The following DNAH10 variants were observed in gnomAD, a reference collection of about 807,000 sequenced individuals.
DNAH10 encodes the protein axonemal beta dynein heavy chain 10.
Under a neutral mutation model 506.6 loss-of-function variants are expected in DNAH10, and 348 were observed. That is an observed-to-expected ratio of 0.69 (90% CI 0.63 to 0.75). The LOEUF is 0.75. Among genes scored for constraint, DNAH10 ranks in the 30% least tolerant of loss-of-function variants. DNAH10 has a pLI of 0.00. For missense variants in DNAH10, 5,179 were observed against 5,787.1 expected (o/e 0.89, Z 3.41); for synonymous variants, 2,059 against 2,198.6 (o/e 0.94, Z 1.78).
chr12:123,934,731 A>T lies in DNAH10; in HGVS notation c.13588A>T (p.Ile4530Phe), dbSNP rs1955406222. The change falls in exon 78 of 79, where the codon ATC becomes TTC. Residue 4530 changes from isoleucine (I) to phenylalanine (F), a missense_variant. Transcript: ENST00000673944. ...GGTTGTGGACCTGCCGATCCTGAAGATCATCCCCATTGAAGCCCATCGCCT... is the reference window on the plus strand; with the variant it reads ...GGTTGTGGACCTGCCGATCCTGAAGTTCATCCCCATTGAAGCCCATCGCCT... ...VLVVDLPILKIIPIEAHRLKL... is the reference protein window; with the variant it reads ...VLVVDLPILKFIPIEAHRLKL... The T allele has an allele frequency of 6.2e-7, 1 of 1,613,806 alleles. No homozygotes were observed. The highest frequency in any genetic ancestry group is 1.3e-5 in the African/African-American group (1 of 74,916).
chr12:123,897,160 G>A (rs1232020279), intron 54 of DNAH10, among the ~76,000 whole-genome samples: 4 of 152,164 alleles, frequency 2.6e-5, no homozygotes, highest in Admixed American at 6.5e-5. Flanking sequence ...AGGCTCATCC[G>A]TGTTTCAGCA....
intron 16 of DNAH10, among the ~76,000 whole-genome samples, chr12:123,802,553 G>A (rs12099941): frequency 0.025 from 3,798 of 152,200 alleles, 161 homozygotes; most frequent in African/African-American, 0.086. Flanking sequence ...TGATCCATCC[G>A]CCTTGGCCTT....
At chr12:123,794,960 C>G (rs948814197) in intron 12 of DNAH10, among the ~76,000 whole-genome samples, 4 of 151,708 alleles carry the variant, frequency 2.6e-5, no homozygotes, top group Non-Finnish European at 5.9e-5. Context: ...CCAGCCTTTG[C>G]CAACATGGTG....
intron 43 of DNAH10, 31 bp downstream of exon 43, chr12:123,868,150 T>C (rs1951886969): frequency 6.3e-7 from 1 of 1,575,754 alleles, no homozygotes; most frequent in African/African-American, 1.4e-5. Context: ...GTTTCCCTGC[T>C]CTGAGTGCCT....
At chr12:123,829,381 G>C (rs994388716) in intron 25 of DNAH10, among the ~76,000 whole-genome samples, 1 of 152,212 alleles carries the variant, frequency 6.6e-6, no homozygotes, top group African/African-American at 2.4e-5. Context: ...TGAAAGGTCA[G>C]TGGTCTCAAC....
Position 123,846,243 on chromosome 12 carries a change from A to C in DNAH10, c.5814+89A>C, listed in dbSNP as rs1950946961. 4.2e-6 allele frequency: 6 copies of C among 1,416,738 alleles called. No homozygotes were observed. The Admixed American group carries it at 1.2e-4, about 28-fold the overall frequency. 87.8% of individuals were successfully genotyped at this position (1,416,738 alleles called of 1,614,324 possible). On this transcript the variant is annotated intron_variant, in intron 32 of 78. Coordinates refer to ENST00000673944, the MANE Select transcript of DNAH10 (RefSeq NM_001372106.1). This position sits in a 1 kb window ranked among gnomAD's most constrained non-coding sequence, Gnocchi z 4.5. ...TGAGGTGTGATGACTGCAGTGATTGAAATAGCAGGGGAGATCATTGCTTTG... is the reference window on the plus strand; with the variant it reads ...TGAGGTGTGATGACTGCAGTGATTGCAATAGCAGGGGAGATCATTGCTTTG...
chr12:123,880,320 T>C (rs1952448838), intron 50 of DNAH10, among the ~76,000 whole-genome samples: 3 of 152,112 alleles, frequency 2.0e-5, no homozygotes, highest in South Asian at 4.1e-4. Flanking sequence ...TAAAATCCAG[T>C]GATCCTTTAA....
rs571366576 is a variant in DNAH10 at position 123,884,382 on chromosome 12, T to C, written c.8823+2569T>C. Among the ~76,000 whole-genome samples the C allele has an allele frequency of 2.0e-5, 3 of 152,296 alleles. No homozygotes were observed. In the East Asian group the frequency reaches 5.8e-4, roughly 29 times the overall value. On this transcript the variant is annotated intron_variant, in intron 51 of 78. Transcript: ENST00000673944. ...GAGAGTCTTAGGCAGTTCAGGCTGT[T>C]ATAACAAAGTGCGATAGACTGGCTG...
chr12:123,833,017 T>G, intron 26 of DNAH10, 97 bp from the exon 27 acceptor site: 19 of 861,798 alleles, frequency 2.2e-5, no homozygotes, highest in Non-Finnish European at 3.5e-5. Context: ...TCCGATTGCA[T>G]TGTTGGCCAA....
At chr12:123,906,284 T>C (rs1331251055) in intron 57 of DNAH10, among the ~76,000 whole-genome samples, 56 of 140,854 alleles carry the variant, frequency 4.0e-4, no homozygotes, top group East Asian at 1.3e-3. Flanking sequence ...TTCTGTCACC[T>C]AGGCTGGAGT....
chr12:123,817,209 C>CTT (rs1284903253), intron 21 of DNAH10, among the ~76,000 whole-genome samples: 1 of 108,004 alleles, frequency 9.3e-6, no homozygotes, highest in East Asian at 2.7e-4. Context: ...TTTTGTTCTT[C>CTT]TTTTTTTTTT....
Position 123,935,315 on chromosome 12 carries a change from C to A in DNAH10, c.13624-20C>A. The A allele has an allele frequency of 5.6e-6, 9 of 1,594,758 alleles. No individual in the cohort carries two copies. The highest frequency in any genetic ancestry group is 7.7e-6 in the Non-Finnish European group (9 of 1,163,492). On this transcript the variant is annotated intron_variant, in intron 78 of 78. Coordinates refer to ENST00000673944, the MANE Select transcript of DNAH10 (RefSeq NM_001372106.1). ...GCACCCTCTCTCCGTGGGGGCATCT[C>A]ACCTGCCTTTCCCTTGCAGAATACT... is the stretch of plus-strand genomic sequence containing the variant.
chr12:123,787,609 T>C lies in DNAH10; in HGVS notation c.1422-195T>C, dbSNP rs1357244122. The stretch of plus-strand genomic sequence containing the variant: ...CAGGTTGGCGGCTGCAACGGAAACC[T>C]CGCAGCTTGGGACTCCCGCCCTTGC... On this transcript the variant is annotated intron_variant, in intron 9 of 78. Transcript: ENST00000673944. This position sits in a 1 kb window ranked among gnomAD's most constrained non-coding sequence, Gnocchi z 4.6. Among the ~76,000 whole-genome samples, 2 of 152,234 alleles carry C rather than the reference T, an allele frequency of 1.3e-5. No homozygotes were observed. Among genetic ancestry groups the C allele is most frequent in the Non-Finnish European group, 2.9e-5 (2 of 68,040 alleles).
Position 123,909,139 on chromosome 12 carries a change from T to G in DNAH10, c.9816-122T>G. 3 of 1,333,006 alleles carry G rather than the reference T, an allele frequency of 2.3e-6. No homozygotes were observed. The highest frequency in any genetic ancestry group is 3.1e-6 in the Non-Finnish European group (3 of 973,546). The allele number at this position is 1,333,006 out of a possible 1,614,324, so 82.6% of individuals were successfully genotyped here. The stretch of plus-strand genomic sequence containing the variant: ...GTGTTGGGACCTGGCTTCTTTCGTT[T>G]GCTTGCAGCAGTAGCTCCAGGGACT... On this transcript the variant is annotated intron_variant, in intron 57 of 78. Transcript: ENST00000673944. This position sits in a 1 kb window ranked among gnomAD's most constrained non-coding sequence, Gnocchi z 5.4.
chr12:123,896,148 C>CACACACACAGAGAG (rs1383690518), intron 54 of DNAH10, among the ~76,000 whole-genome samples: 37 of 95,304 alleles, frequency 3.9e-4, no homozygotes, highest in East Asian at 1.8e-3. Context: ...CACACACACA[C>CACACACACAGAGAG]AGAGAGAGAG....
chr12:123,858,071 GT>G (rs544261109), intron 37 of DNAH10, among the ~76,000 whole-genome samples: 20 of 151,792 alleles, frequency 1.3e-4, no homozygotes, highest in African/African-American at 4.8e-4. Context: ...TATATATATA[GT>G]TTTTTTTCAC....
chr12:123,899,593 C>T (rs1455588804), intron 56 of DNAH10, among the ~76,000 whole-genome samples: 2 of 152,228 alleles, frequency 1.3e-5, no homozygotes, highest in Admixed American at 6.5e-5. Context: ...ACTGCCTCTC[C>T]CCGACTCCCA....
chr12:123,880,921 G>T (rs113571210), intron 50 of DNAH10, among the ~76,000 whole-genome samples: 3 of 151,024 alleles, frequency 2.0e-5, no homozygotes, highest in African/African-American at 7.3e-5. Context: ...TGTCCTTGCA[G>T]TAGTTTGCTG....
intron 66 of DNAH10, 189 bp downstream of exon 66, chr12:123,924,056 C>G (rs1954837266): frequency 2.6e-5 from 19 of 734,052 alleles, no homozygotes; most frequent in Non-Finnish European, 3.7e-5. Flanking sequence ...ATCGGAGCAG[C>G]CAGCCTCTGT....
Sources: gnomAD v4.1 joint callset for allele counts (sites outside exome capture counted in the v4.1 genomes callset) on GRCh38, gnomAD v4.1.1 for gene constraint, Gnocchi (gnomAD v3.1) non-coding constraint, MANE v1.5 for transcripts, NCBI Gene and HGNC (gene_info 2026-07-23, HGNC 2026-07-21) for gene names.